Variants in SBF2 observed in about 807,000 individuals in gnomAD.
SBF2 encodes SET binding factor 2, also known as myotubularin-related protein 13.
In SBF2, 112 loss-of-function variants were observed where a neutral mutation model predicts 225.2. The ratio of observed to expected loss-of-function variants is 0.50; its 90% CI spans 0.43 to 0.58. SBF2 has a LOEUF of 0.58. Ranked by LOEUF, SBF2 falls within the 20% of genes least tolerant of loss-of-function variation. The probability of loss-of-function intolerance (pLI) is 0.00; values close to 1 mark genes in which losing one functional copy is unlikely to be tolerated. For synonymous variants in SBF2, 763 were observed against 773.3 expected (o/e 0.99, Z 0.22); for missense variants, 1,996 against 2,206.2 (o/e 0.90, Z 1.91).
At chr11:9,963,941 G>C in intron 14 of SBF2, 59 bp from the exon 15 acceptor site, 1 of 963,560 alleles carries the variant, frequency 1.0e-6, no homozygotes, top group Non-Finnish European at 1.6e-6. Flanking sequence ...AATTACAAAA[G>C]CAAAGAGACT....
intron 2 of SBF2, among the ~76,000 whole-genome samples, chr11:10,085,049 T>C (rs1951511234): frequency 6.6e-6 from 1 of 152,186 alleles, no homozygotes; most frequent in Admixed American, 6.5e-5. Context: ...ATGTATATAA[T>C]AAAATCGCAC....
intron 18 of SBF2, 143 bp downstream of exon 18, chr11:9,858,083 G>GA (rs1418008405): frequency 3.6e-6 from 3 of 842,190 alleles, no homozygotes; most frequent in Non-Finnish European, 6.0e-6. Context: ...ATCAACAGAG[G>GA]AAAGATATCA....
At chr11:9,879,036 T>C (rs960952786) in intron 17 of SBF2, among the ~76,000 whole-genome samples, 1 of 152,212 alleles carries the variant, frequency 6.6e-6, no homozygotes, top group South Asian at 2.1e-4. Flanking sequence ...AGGTACAAAA[T>C]GTTTGCACTT....
At chr11:10,182,588 C>G (rs1430633392) in intron 2 of SBF2, among the ~76,000 whole-genome samples, 7 of 152,062 alleles carry the variant, frequency 4.6e-5, no homozygotes, top group East Asian at 1.9e-4. Flanking sequence ...GGGTCTTACT[C>G]TGTCACCCAG....
intron 4 of SBF2, 44 bp from the exon 5 acceptor site, chr11:10,029,919 TTAAAAA>T (rs1477256864): frequency 1.5e-6 from 2 of 1,342,780 alleles, no homozygotes; most frequent in Admixed American, 3.4e-5. Flanking sequence ...GGAAAAAGCA[TTAAAAA>T]TAAATTGTTA....
intron 6 of SBF2, among the ~76,000 whole-genome samples, chr11:10,017,271 T>G (rs1590764324): frequency 6.6e-6 from 1 of 152,232 alleles, no homozygotes; most frequent in African/African-American, 2.4e-5. Context: ...GAAGACTATG[T>G]CTCAGCTTTC....
At chr11:10,098,220 G>C (rs1952114429) in intron 2 of SBF2, among the ~76,000 whole-genome samples, 2 of 152,116 alleles carry the variant, frequency 1.3e-5, no homozygotes, top group Non-Finnish European at 2.9e-5. Flanking sequence ...CACTACCGTA[G>C]AGAAAATTAA....
chr11:9,992,296 G>A (rs1054340319), intron 12 of SBF2, 119 bp downstream of exon 12: 2 of 729,072 alleles, frequency 2.7e-6, no homozygotes, highest in South Asian at 2.6e-5. Context: ...AATAACATTG[G>A]GATTATTTAA....
At chr11:9,913,493 T>A (rs2134195193) in intron 16 of SBF2, among the ~76,000 whole-genome samples, 1 of 152,264 alleles carries the variant, frequency 6.6e-6, no homozygotes, top group Non-Finnish European at 1.5e-5. Flanking sequence ...AAAAAACATT[T>A]GACCTCATTT....
Position 9,843,230 on chromosome 11 carries a change from T to A in SBF2, c.3111-460A>T, listed in dbSNP as rs1054270319. 1.3e-5 allele frequency among the ~76,000 whole-genome samples: 2 copies of A among 152,230 alleles called. 1 individual carries two copies. The highest frequency in any genetic ancestry group is 4.8e-5 in the African/African-American group (2 of 41,472). On this transcript the variant is annotated intron_variant, in intron 24 of 39. Coordinates refer to ENST00000256190, the MANE Select transcript of SBF2 (RefSeq NM_030962.4). Reference sequence around the variant, plus strand: ...TCACAAGCCTTTCTTTGAGATCATATGGCCTTCATAGTTGGCAACACATTT... The same window carrying A: ...TCACAAGCCTTTCTTTGAGATCATAAGGCCTTCATAGTTGGCAACACATTT...
At chr11:10,253,778 A>C (rs139930690) in intron 1 of SBF2, among the ~76,000 whole-genome samples, 1 of 151,348 alleles carries the variant, frequency 6.6e-6, no homozygotes, top group South Asian at 2.1e-4. Flanking sequence ...CCAAAAAAAA[A>C]CAAAAAGGCC....
At chr11:10,252,185 A>G (rs187571737) in intron 1 of SBF2, among the ~76,000 whole-genome samples, 2 of 152,310 alleles carry the variant, frequency 1.3e-5, no homozygotes, top group East Asian at 3.9e-4. Flanking sequence ...CTGTTCTACT[A>G]TTTCCCAGTG....
chr11:10,226,664 A>C (rs566991525), intron 1 of SBF2, among the ~76,000 whole-genome samples: 203 of 152,174 alleles, frequency 1.3e-3, no homozygotes, highest in Middle Eastern at 6.8e-3. Flanking sequence ...TTAACTCATC[A>C]TTTTTTATGG....
intron 16 of SBF2, among the ~76,000 whole-genome samples, chr11:9,907,726 C>G (rs1158407037): frequency 6.6e-6 from 1 of 152,030 alleles, no homozygotes; most frequent in Non-Finnish European, 1.5e-5. Context: ...ACTTTATATG[C>G]CTGGAAACTA....
At chr11:9,869,307 T>A (rs888897594) in intron 17 of SBF2, among the ~76,000 whole-genome samples, 1 of 152,032 alleles carries the variant, frequency 6.6e-6, no homozygotes, top group African/African-American at 2.4e-5. Context: ...TCCATAAGAG[T>A]TCCCTGAAAA....
At position 9,968,517 on chromosome 11, in the gene SBF2, T is replaced by C. The variant is rs199894823; in HGVS notation, c.1424A>G (p.Gln475Arg). The stretch of plus-strand genomic sequence containing the variant: ...TCCTTCTGTTGGCCGTGGAACTTTC[T>C]GGAATGCCATATGAGGATTTGGATT... ...NENPNPHMAF[Q>R]KVPRPTEGSH... The change falls in exon 14 of 40, where the codon CAG becomes CGG. Residue 475 changes from glutamine (Q) to arginine (R), a missense_variant. Gln to Arg is a conservative substitution (Grantham distance 43, BLOSUM62 1). Coordinates refer to ENST00000256190, the MANE Select transcript of SBF2 (RefSeq NM_030962.4). 479 of 1,614,010 alleles carry C rather than the reference T, an allele frequency of 3.0e-4. 1 individual carries two copies. Among genetic ancestry groups the C allele is most frequent in the Admixed American group, 1.2e-3 (73 of 59,998 alleles).
chr11:9,783,289 C>T (rs1291386540), intron 38 of SBF2, among the ~76,000 whole-genome samples: 9 of 152,130 alleles, frequency 5.9e-5, no homozygotes, highest in Admixed American at 5.2e-4. Context: ...TATATTGTCC[C>T]ACAAAGACTC....
At chr11:10,156,669 T>C (rs568328671) in intron 2 of SBF2, among the ~76,000 whole-genome samples, 388 of 152,164 alleles carry the variant, frequency 2.5e-3, no homozygotes, top group African/African-American at 9.1e-3. Flanking sequence ...CCATTCACAA[T>C]GGCCACAAAA....
chr11:9,925,405 G>A lies in SBF2; in HGVS notation c.1861-29394C>T, dbSNP rs554649716. ...CGATTTTCCTGCCTCAGCCTCCCAA[G>A]TAGCTGGGATTACAGGCATGCGCCA... On this transcript the variant is annotated intron_variant, in intron 16 of 39. Coordinates refer to ENST00000256190, the MANE Select transcript of SBF2 (RefSeq NM_030962.4). Among the ~76,000 whole-genome samples, 45 of 152,202 alleles carry A rather than the reference G, an allele frequency of 3.0e-4. No homozygotes were observed. In the South Asian group the frequency reaches 9.3e-3, roughly 32 times the overall value.
Sources: gnomAD v4.1 joint callset for allele counts (sites outside exome capture counted in the v4.1 genomes callset) on GRCh38, gnomAD v4.1.1 for gene constraint, MANE v1.5 for transcripts, NCBI Gene and HGNC (gene_info 2026-07-23, HGNC 2026-07-21) for gene names.